The following PKD1 variants were observed in gnomAD, a reference collection of about 807,000 sequenced individuals.
PKD1 encodes polycystin 1, transient receptor potential channel interacting, also known as polycystin-1.
In PKD1, 81 loss-of-function variants were observed where a neutral mutation model predicts 361.7. The observed-to-expected ratio is 0.22, with a 90% CI of 0.19 to 0.27. PKD1 has a LOEUF of 0.27. Ranked by LOEUF, PKD1 falls within the 10% of genes least tolerant of loss-of-function variation. The probability of loss-of-function intolerance (pLI) is 1.00; values close to 1 mark genes in which losing one functional copy is unlikely to be tolerated. For missense variants in PKD1, 6,399 were observed against 6,118.3 expected, an observed-to-expected ratio of 1.05 and a Z score of -1.53; for synonymous variants, 3,615 against 2,818.3, an observed-to-expected ratio of 1.28 and a Z score of -8.95.
chr16:2,107,081 C>T, intron 16 of PKD1, 133 bp from the exon 17 acceptor site: 1 of 804,362 alleles, frequency 1.2e-6, no homozygotes, highest in South Asian at 1.4e-5. Flanking sequence ...AGCTCACTCC[C>T]TCCCAGGATA....
chr16:2,129,226 C>T (rs187141014), intron 1 of PKD1, among the ~76,000 whole-genome samples: 1 of 148,342 alleles, frequency 6.7e-6, no homozygotes, highest in East Asian at 2.0e-4. Context: ...GTGGCACCAT[C>T]ACAGCTAACT....
rs758337073 is a variant in PKD1 at position 2,108,285 on chromosome 16, G to T, written c.6882C>A (p.Leu2294=). 2 of 1,602,180 alleles carry T rather than the reference G, an allele frequency of 1.2e-6. No homozygotes were observed. Among genetic ancestry groups the T allele is most frequent in the East Asian group, 4.5e-5 (2 of 44,660 alleles). Residue 2294 remains leucine (L), a synonymous_variant, in exon 15 of 46, where the codon CTC becomes CTA. Transcript: ENST00000262304. Reference sequence around the variant, plus strand: ...AAGCCACACAGGCCCAGTGGAAACTGAGCGGCGTCTGGTCGCCGTCCTCCA... The same window carrying T: ...AAGCCACACAGGCCCAGTGGAAACTTAGCGGCGTCTGGTCGCCGTCCTCCA... The part of the protein sequence containing the change: ...PNLEDGDQTP[L]SFHWACVAST...
At position 2,111,524 on chromosome 16, in the gene PKD1, G is replaced by C. The variant is rs144338515; in HGVS notation, c.3643C>G (p.Leu1215Val). 40 of 1,607,374 alleles carry C rather than the reference G, an allele frequency of 2.5e-5. No homozygotes were observed. The highest frequency in any genetic ancestry group is 3.1e-5 in the Non-Finnish European group (37 of 1,177,794). ...DVRVFEELRGLSVDMSLAVEQ... is the reference protein window; with the variant it reads ...DVRVFEELRGVSVDMSLAVEQ... ...ACGGCCAGGCTCATGTCCACGCTGA[G>C]TCCGCGGAGCTCCTCAAAGACGCGC... Residue 1215 changes from leucine to valine, a missense_variant, in exon 15 of 46, where the codon CTC becomes GTC. Physicochemically the swap from Leu to Val is conservative, Grantham distance 32. Transcript: ENST00000262304.
In PKD1 at chr16:2,135,860, G is replaced by T. The variant is rs1424224588; in HGVS notation, c.-171C>A. The T allele has an allele frequency of 1.2e-5, 3 of 242,404 alleles. No individual in the cohort carries two copies. The East Asian group carries it at 5.4e-4, about 44-fold the overall frequency. The allele number at this position is 242,404 out of a possible 1,614,324, so 15.0% of individuals were successfully genotyped here. ...CGGGGCTCGGGGCCAGGCCGCTCCG[G>T]GAGCTCGGCCGCCCGCTCGGACGCT... On this transcript the variant is annotated 5_prime_UTR_variant, in exon 1 of 46. Coordinates refer to ENST00000262304, the MANE Select transcript of PKD1 (RefSeq NM_001009944.3).
At position 2,115,487 on chromosome 16, in the gene PKD1, T is replaced by G; in HGVS notation, c.1988A>C (p.Gln663Pro). ...TGACGTGCAGCCATTGGCGCAGGCC[T>G]GGGGGTGGCAGGAGGCGTCCAGCGG... Reference protein sequence around the residue: ...CLPLDASCHPQACANGCTSGP... With the variant: ...CLPLDASCHPPACANGCTSGP... The change falls in exon 10 of 46, where the codon CAG becomes CCG. Residue 663 changes from glutamine (Q) to proline (P), a missense_variant. Gln to Pro is a moderately conservative substitution (Grantham distance 76). Transcript: ENST00000262304. The G allele has an allele frequency of 6.2e-7, 1 of 1,602,514 alleles. No individual in the cohort carries two copies. Among genetic ancestry groups the G allele is most frequent in the Non-Finnish European group, 8.5e-7 (1 of 1,176,084 alleles).
chr16:2,121,670 A>AGCACCTC (rs1428510236), intron 1 of PKD1, among the ~76,000 whole-genome samples: 2 of 151,992 alleles, frequency 1.3e-5, no homozygotes, highest in South Asian at 4.2e-4. Flanking sequence ...CTCGGCCTCA[A>AGCACCTC]GCACCTCGGG....
chr16:2,123,613 CGCT>C, intron 1 of PKD1: 1 of 442,920 alleles, frequency 2.3e-6, no homozygotes. Flanking sequence ...ACATCATCGC[CGCT>C]GTCTGATGCC....
In PKD1 at chr16:2,113,027, C is replaced by G. The variant is rs577155325; in HGVS notation, c.2986-64G>C. ...AGAGGCCTGGCCCTGATTGGCGTCC[C>G]TCCCTCCACTCACCCACAGCCATGG... On this transcript the variant is annotated intron_variant, in intron 12 of 45. Coordinates refer to ENST00000262304, the MANE Select transcript of PKD1 (RefSeq NM_001009944.3). The G allele has an allele frequency of 5.8e-5, 86 of 1,483,194 alleles. 1 individual carries two copies. In the East Asian group the frequency reaches 1.9e-3, roughly 33 times the overall value. The allele number at this position is 1,483,194 out of a possible 1,614,324, so 91.9% of individuals were successfully genotyped here.
In PKD1 at chr16:2,088,881, G is replaced by A. The variant is rs2855370; in HGVS notation, c.*846C>T. The stretch of plus-strand genomic sequence containing the variant: ...ACAGCACACTCGCGCGTGCGCGCGC[G>A]CACACACACACACACACAGTCACCT... On this transcript the variant is annotated 3_prime_UTR_variant, in exon 46 of 46. Coordinates refer to ENST00000262304, the MANE Select transcript of PKD1 (RefSeq NM_001009944.3). 2.2e-3 allele frequency: 912 copies of A among 421,208 alleles called. 7 individuals are homozygous for A. The highest frequency in any genetic ancestry group is 0.012 in the African/African-American group (556 of 44,668). 26.1% of individuals were successfully genotyped at this position (421,208 alleles called of 1,614,324 possible).
At position 2,110,525 on chromosome 16, in the gene PKD1, C is replaced by T. The variant is rs774293064; in HGVS notation, c.4642G>A (p.Val1548Met). Residue 1548 changes from valine to methionine, a missense_variant, in exon 15 of 46, where the codon GTG (valine) becomes ATG (methionine). Val to Met is a conservative substitution (Grantham distance 21). Transcript: ENST00000262304. Reference protein sequence around the residue: ...AWLNVTVKRRVRGLVVNASRT... With the variant: ...AWLNVTVKRRMRGLVVNASRT... ...CTTGCATTGACGACGAGCCCCCGCA[C>T]GCGCCGCTTCACCGTCACATTGAGC... is the stretch of plus-strand genomic sequence containing the variant. 5 of 1,611,652 alleles carry T rather than the reference C, an allele frequency of 3.1e-6. No individual in the cohort carries two copies. The African/African-American group carries it at 4.0e-5, about 13-fold the overall frequency.
chr16:2,089,817 A>C lies in PKD1; in HGVS notation c.12822T>G (p.Leu4274=). The C allele has an allele frequency of 6.2e-7, 1 of 1,601,962 alleles. No homozygotes were observed. The highest frequency in any genetic ancestry group is 8.5e-7 in the Non-Finnish European group (1 of 1,174,958). ...GGTCCACACCCCGACTGGCCCGGGC[A>C]AGGCGGCTGGGCAGTGCTGGCCGCA... ...PGLRPALPSR[L]ARASRGVDLA... Residue 4274 remains leucine, a synonymous_variant, in exon 46 of 46, where the codon CTT becomes CTG. Transcript: ENST00000262304.
At position 2,089,583 on chromosome 16, in the gene PKD1, C is replaced by CAG. The variant is rs2091358930; in HGVS notation, c.*143_*144insCT. On this transcript the variant is annotated 3_prime_UTR_variant, in exon 46 of 46. Coordinates refer to ENST00000262304, the MANE Select transcript of PKD1 (RefSeq NM_001009944.3). Reference sequence around the variant, plus strand: ...ACAGCCTCTTTAAAGTGCTGAAGCCCACAGACAGACAGATGCCCCTGCCTG... The same window carrying CAG: ...ACAGCCTCTTTAAAGTGCTGAAGCCCAGACAGACAGACAGATGCCCCTGCCTG... 1 of 1,052,722 alleles carries CAG rather than the reference C, an allele frequency of 9.5e-7. No individual in the cohort carries two copies. Among genetic ancestry groups the CAG allele is most frequent in the South Asian group, 1.5e-5 (1 of 66,718 alleles). The allele number at this position is 1,052,722 out of a possible 1,614,324, so 65.2% of individuals were successfully genotyped here.
Position 2,091,765 on chromosome 16 carries a change from G to A in PKD1, c.11537+16C>T. On this transcript the variant is annotated intron_variant, in intron 41 of 45. Transcript: ENST00000262304. ...ACTGCGGCCACCCCGGAGAGGGCAGGGGAGGGAGCTCCCACCTGTTGTCCA... is the reference window on the plus strand; with the variant it reads ...ACTGCGGCCACCCCGGAGAGGGCAGAGGAGGGAGCTCCCACCTGTTGTCCA... 1.2e-6 allele frequency: 2 copies of A among 1,609,704 alleles called. No individual in the cohort carries two copies. The highest frequency in any genetic ancestry group is 1.7e-6 in the Non-Finnish European group (2 of 1,179,292).
Position 2,090,273 on chromosome 16 carries a change from G to T in PKD1, c.12444+12C>A. ...GGGCGTGTCCCTCTCCCCCCCACTG[G>T]GCCGTACCCACCTCCTTGACCTTGC... On this transcript the variant is annotated intron_variant, in intron 45 of 45. Transcript: ENST00000262304. The T allele has an allele frequency of 1.2e-6, 2 of 1,608,784 alleles. No homozygotes were observed. Among genetic ancestry groups the T allele is most frequent in the Non-Finnish European group, 1.7e-6 (2 of 1,177,462 alleles).
chr16:2,104,376 TG>T (rs1166532368), intron 22 of PKD1, 121 bp downstream of exon 22: 41 of 480,488 alleles, frequency 8.5e-5, no homozygotes, highest in South Asian at 3.4e-4. Flanking sequence ...GGATGGGAAT[TG>T]GGGGGAGGGG....
At chr16:2,108,134 G>A in intron 15 of PKD1, 102 bp from the exon 16 acceptor site, 1 of 1,484,436 alleles carries the variant, frequency 6.7e-7, no homozygotes, top group Non-Finnish European at 9.3e-7. Context: ...TCCCCATGCT[G>A]GGACGGGGCC....
rs112276855 is a variant in PKD1 at position 2,091,919 on chromosome 16, G to A, written c.11412-13C>T. ...CCAGGACCATGCCCTGCCGGAGAGGGGTGGCGTGGGTGCCGCACCCCAGCC... is the reference window on the plus strand; with the variant it reads ...CCAGGACCATGCCCTGCCGGAGAGGAGTGGCGTGGGTGCCGCACCCCAGCC... On this transcript the variant is annotated splice_polypyrimidine_tract_variant and intron_variant, in intron 40 of 45. Coordinates refer to ENST00000262304, the MANE Select transcript of PKD1 (RefSeq NM_001009944.3). 9.9e-6 allele frequency: 16 copies of A among 1,611,566 alleles called. No homozygotes were observed. The highest frequency in any genetic ancestry group is 5.3e-5 in the African/African-American group (4 of 75,028).
At chr16:2,124,828 G>C (rs942979481) in intron 1 of PKD1, among the ~76,000 whole-genome samples, 2 of 152,230 alleles carry the variant, frequency 1.3e-5, no homozygotes, top group Non-Finnish European at 2.9e-5. Context: ...CGCCTGCGGA[G>C]CTTATGTAAC....
In PKD1 at chr16:2,089,684, T is replaced by C; in HGVS notation, c.*43A>G. 6.5e-7 allele frequency: 1 copy of C among 1,548,916 alleles called. No individual in the cohort carries two copies. The highest frequency in any genetic ancestry group is 8.7e-7 in the Non-Finnish European group (1 of 1,146,362). On this transcript the variant is annotated 3_prime_UTR_variant, in exon 46 of 46. Transcript: ENST00000262304. ...AGCGGCAGAAAGTAATACTGAGCGG[T>C]GTCCACTCCGACTCCACGGCCCACC... is the stretch of plus-strand genomic sequence containing the variant.
Sources: allele counts gnomAD v4.1 joint callset (sites outside exome capture counted in the v4.1 genomes callset), GRCh38; gene constraint gnomAD v4.1.1; transcripts MANE v1.5; gene names NCBI Gene and HGNC (gene_info 2026-07-23, HGNC 2026-07-21).